Variants in SLC22A25 observed in about 807,000 individuals in gnomAD.
SLC22A25 encodes solute carrier family 22 member 25.
SLC22A25 carries 44 observed loss-of-function variants against 45.9 expected under a neutral mutation model. The ratio of observed to expected loss-of-function variants is 0.96; its 90% CI spans 0.75 to 1.23. The LOEUF is 1.23. SLC22A25 is among the 50% of genes most tolerant of loss of function. The pLI, the probability that SLC22A25 is intolerant of heterozygous loss-of-function variation, is 0.00. For synonymous variants in SLC22A25, 283 were observed against 238.6 expected (o/e 1.19, Z -1.72); for missense variants, 800 against 666.4 (o/e 1.20, Z -2.21).
At chr11:63,214,575 T>C (rs1042883678) in intron 7 of SLC22A25, among the ~76,000 whole-genome samples, 1 of 152,196 alleles carries the variant, frequency 6.6e-6, no homozygotes, top group Non-Finnish European at 1.5e-5. Flanking sequence ...AAGACCCTGT[T>C]TCTCTAGCTG....
At chr11:63,202,259 T>C (rs2089269257) in intron 7 of SLC22A25, among the ~76,000 whole-genome samples, 1 of 152,066 alleles carries the variant, frequency 6.6e-6, no homozygotes. Flanking sequence ...AGTTTTTTTT[T>C]TTTTAATACC....
intron 7 of SLC22A25, among the ~76,000 whole-genome samples, chr11:63,208,738 C>T (rs1229451987): frequency 6.6e-6 from 1 of 152,046 alleles, no homozygotes; most frequent in Admixed American, 6.6e-5. Context: ...TTAGCAGGGG[C>T]TGTGTGCTTG....
chr11:63,196,221 G>T (rs2089023524), intron 7 of SLC22A25, among the ~76,000 whole-genome samples: 1 of 152,148 alleles, frequency 6.6e-6, no homozygotes, highest in Non-Finnish European at 1.5e-5. Context: ...CCAATCAATA[G>T]ACAAAGAGGG....
chr11:63,183,118 C>A (rs1243897612), intron 8 of SLC22A25, among the ~76,000 whole-genome samples: 1 of 152,064 alleles, frequency 6.6e-6, no homozygotes, highest in Non-Finnish European at 1.5e-5. Flanking sequence ...TTCCCCCAGG[C>A]ATTTCCACTC....
intron 3 of SLC22A25, among the ~76,000 whole-genome samples, chr11:63,235,927 G>C (rs995456749): frequency 6.6e-6 from 1 of 152,222 alleles, no homozygotes; most frequent in African/African-American, 2.4e-5. Flanking sequence ...CTGTTTGCCT[G>C]GGTATCAGCA....
chr11:63,229,532 C>A lies in SLC22A25; in HGVS notation c.121G>T (p.Ala41Ser), dbSNP rs376754738. 6.2e-7 allele frequency: 1 copy of A among 1,613,918 alleles called. No individual in the cohort carries two copies. The highest frequency in any genetic ancestry group is 8.5e-7 in the Non-Finnish European group (1 of 1,179,982). The stretch of plus-strand genomic sequence containing the variant: ...CAGCGATGATCAAGTATGAATGCTG[C>A]GAAGTTCTCCAGCTGAGTTTGATGG... ...VYHQTQLENF[A>S]AFILDHRCWV... Residue 41 changes from alanine (A) to serine (S), a missense_variant, in exon 4 of 12, where the codon GCA becomes TCA. Ala to Ser is a moderately conservative substitution (Grantham distance 99). Transcript: ENST00000306494.
At chr11:63,195,557 G>A (rs182211185) in intron 7 of SLC22A25, among the ~76,000 whole-genome samples, 5,542 of 152,156 alleles carry the variant, frequency 0.036, 334 homozygotes, top group African/African-American at 0.13. Flanking sequence ...TGAAGCCAAC[G>A]AGAACAAAGA....
chr11:63,209,455 C>G (rs1284319979), intron 7 of SLC22A25, among the ~76,000 whole-genome samples: 1 of 152,078 alleles, frequency 6.6e-6, no homozygotes, highest in African/African-American at 2.4e-5. Context: ...GAGTCAGGAG[C>G]ATCTGGAGAG....
intron 9 of SLC22A25, among the ~76,000 whole-genome samples, chr11:63,176,015 G>A (rs756785356): frequency 1.1e-4 from 17 of 152,134 alleles, no homozygotes; most frequent in African/African-American, 4.1e-4. Context: ...CCCCCACAAA[G>A]ATCAGTTGAC....
rs111292231 is a variant in SLC22A25, at chr11:63,198,330, T to C, written c.831-14513A>G. Reference sequence around the variant, plus strand: ...CAAAGACTTGGAACCAACTCAAATGTCGATCAATGATAGACTGGATTAAGA... The same window carrying C: ...CAAAGACTTGGAACCAACTCAAATGCCGATCAATGATAGACTGGATTAAGA... On this transcript the variant is annotated intron_variant, in intron 7 of 11. Transcript: ENST00000306494. 8.8e-3 allele frequency among the ~76,000 whole-genome samples: 1,341 copies of C among 152,270 alleles called. 9 individuals carry two copies. The highest frequency in any genetic ancestry group is 0.019 in the African/African-American group (769 of 41,558).
chr11:63,189,158 C>G (rs2088690055), intron 7 of SLC22A25, among the ~76,000 whole-genome samples: 1 of 152,180 alleles, frequency 6.6e-6, no homozygotes, highest in South Asian at 2.1e-4. Context: ...TAAAGTCTCC[C>G]ATTATTATTG....
rs1233369203 is a variant in SLC22A25 at position 63,162,943 on chromosome 11, C to T, written c.*881G>A. On this transcript the variant is annotated 3_prime_UTR_variant, in exon 12 of 12. Transcript: ENST00000306494. ...ACTTTGCTGCAGGTATCTTCCTGCC[C>T]TGCTTTTCTGGAGCATCTTCTCCTG... Among the ~76,000 whole-genome samples the T allele has an allele frequency of 6.6e-6, 1 of 152,100 alleles. No individual in the cohort carries two copies. The highest frequency in any genetic ancestry group is 6.6e-5 in the Admixed American group (1 of 15,262).
chr11:63,217,991 G>T, intron 5 of SLC22A25: 1 of 616,286 alleles, frequency 1.6e-6, no homozygotes, highest in East Asian at 3.3e-5. Context: ...TTCAAAACAT[G>T]TAAGACAGGC....
intron 3 of SLC22A25, among the ~76,000 whole-genome samples, chr11:63,237,023 A>G (rs952249532): frequency 5.3e-5 from 8 of 152,192 alleles, no homozygotes; most frequent in Admixed American, 2.6e-4. Flanking sequence ...TATGGTTTCA[A>G]TGTCTGTTCC....
intron 5 of SLC22A25, among the ~76,000 whole-genome samples, chr11:63,225,735 C>T (rs1406305945): frequency 6.6e-6 from 1 of 152,178 alleles, no homozygotes; most frequent in South Asian, 2.1e-4. Flanking sequence ...TTGTCTCTCT[C>T]TCTGCCTTCT....
chr11:63,196,539 T>G (rs1432716192), intron 7 of SLC22A25, among the ~76,000 whole-genome samples: 1 of 152,202 alleles, frequency 6.6e-6, no homozygotes, highest in Admixed American at 6.5e-5. Flanking sequence ...GAAAAGGCCT[T>G]TGACAAAATT....
intron 7 of SLC22A25, among the ~76,000 whole-genome samples, chr11:63,207,871 T>C (rs554963165): frequency 6.6e-6 from 1 of 152,192 alleles, no homozygotes; most frequent in Non-Finnish European, 1.5e-5. Flanking sequence ...ATAACTGTCT[T>C]TGTTTCTCAC....
intron 7 of SLC22A25, among the ~76,000 whole-genome samples, chr11:63,198,166 T>C (rs2089118147): frequency 6.6e-6 from 1 of 152,186 alleles, no homozygotes; most frequent in Admixed American, 6.5e-5. Flanking sequence ...GACAGTGTGG[T>C]GATTCCTGAA....
chr11:63,228,812 C>G (rs2090013387), intron 4 of SLC22A25, among the ~76,000 whole-genome samples: 1 of 152,172 alleles, frequency 6.6e-6, no homozygotes, highest in Non-Finnish European at 1.5e-5. Flanking sequence ...CTTGGCCACA[C>G]AGTGAAATCA....
Sources: gnomAD v4.1 joint callset for allele counts (sites outside exome capture counted in the v4.1 genomes callset) on GRCh38, gnomAD v4.1.1 for gene constraint, MANE v1.5 for transcripts, NCBI Gene and HGNC (gene_info 2026-07-23, HGNC 2026-07-21) for gene names.